Variants in TTC7B observed in about 807,000 individuals in gnomAD.
TTC7B encodes tetratricopeptide repeat protein 7B.
TTC7B carries 28 observed loss-of-function variants against 106.8 expected under a neutral mutation model. That is an observed-to-expected ratio of 0.26 (90% CI 0.19 to 0.36). TTC7B has a LOEUF of 0.36. Among genes scored for constraint, TTC7B ranks in the 10% least tolerant of loss-of-function variants. The pLI is 1.00. For missense variants in TTC7B, 862 were observed against 1,076.4 expected, an observed-to-expected ratio of 0.80 and a Z score of 2.79; for synonymous variants, 405 against 430.6, an observed-to-expected ratio of 0.94 and a Z score of 0.74.
chr14:90,581,542 C>T (rs1029374831), intron 18 of TTC7B, among the ~76,000 whole-genome samples: 5 of 152,140 alleles, frequency 3.3e-5, no homozygotes, highest in Admixed American at 2.0e-4. Context: ...CAGGACAGAG[C>T]GTCCCTCTCA....
chr14:90,570,586 C>T lies in TTC7B; in HGVS notation c.2310+7520G>A, dbSNP rs1210675847. On this transcript the variant is annotated intron_variant, in intron 19 of 19. Coordinates refer to ENST00000328459, the MANE Select transcript of TTC7B (RefSeq NM_001010854.2). The surrounding 1 kb of genome is among the most constrained non-coding windows in gnomAD (Gnocchi z 4.0). ...GCGAAGCATCGTGCTCGCGGCCGAC[C>T]ACGCACCGAGATATATTCTCATTTC... Among the ~76,000 whole-genome samples, 2 of 152,152 alleles carry T rather than the reference C, an allele frequency of 1.3e-5. No homozygotes were observed. The highest frequency in any genetic ancestry group is 2.9e-5 in the Non-Finnish European group (2 of 68,034).
rs1361683834 is a variant in TTC7B, at chr14:90,808,589, CT to C, written c.121+7585del. On this transcript the variant is annotated intron_variant, in intron 1 of 19. Transcript: ENST00000328459. This position sits in a 1 kb window ranked among gnomAD's most constrained non-coding sequence, Gnocchi z 4.2. ...GGAAGGGCTGCAGCCACTCCATTAG[CT>C]TTCCTGTGGCTGTGGCCGTCTTTCA... Among the ~76,000 whole-genome samples, 1 of 152,194 alleles carries C rather than the reference CT, an allele frequency of 6.6e-6. No homozygotes were observed. Among genetic ancestry groups the C allele is most frequent in the Non-Finnish European group, 1.5e-5 (1 of 68,036 alleles).
chr14:90,793,115 TTC>T (rs144075453), intron 1 of TTC7B, among the ~76,000 whole-genome samples: 6,447 of 152,194 alleles, frequency 0.042, 185 homozygotes, highest in Non-Finnish European at 0.058. Flanking sequence ...CCTGTGCTTT[TTC>T]TCTCTCTCTT....
At chr14:90,561,365 C>A (rs1890573937) in intron 19 of TTC7B, among the ~76,000 whole-genome samples, 1 of 152,198 alleles carries the variant, frequency 6.6e-6, no homozygotes, top group Non-Finnish European at 1.5e-5. Flanking sequence ...TCCAAGATTC[C>A]CTTCAGGAGC....
At chr14:90,591,408 A>G (rs1891952326) in intron 18 of TTC7B, among the ~76,000 whole-genome samples, 1 of 152,206 alleles carries the variant, frequency 6.6e-6, no homozygotes, top group Middle Eastern at 3.2e-3. Context: ...CAATATTCTA[A>G]TAATCAGCTA....
intron 19 of TTC7B, among the ~76,000 whole-genome samples, chr14:90,573,640 G>C (rs527886291): frequency 2.3e-4 from 31 of 136,106 alleles, no homozygotes; most frequent in Admixed American, 1.4e-3. Context: ...GGTCCCTTTC[G>C]GGCTCATGGT....
At chr14:90,601,815 T>C (rs766460273) in intron 17 of TTC7B, among the ~76,000 whole-genome samples, 2 of 152,230 alleles carry the variant, frequency 1.3e-5, no homozygotes, top group African/African-American at 2.4e-5. Context: ...GATCCATGGC[T>C]GCCAAATCAT....
chr14:90,566,624 C>G (rs549329314), intron 19 of TTC7B, among the ~76,000 whole-genome samples: 2 of 152,084 alleles, frequency 1.3e-5, no homozygotes, highest in South Asian at 4.1e-4. Context: ...GATGAGAAAA[C>G]GGAGGAAGCC....
chr14:90,658,241 C>T (rs933113598), intron 10 of TTC7B, 63 bp downstream of exon 10: 7 of 1,376,044 alleles, frequency 5.1e-6, no homozygotes, highest in African/African-American at 4.3e-5. Context: ...AATTCCATGA[C>T]ATTCAACTCT....
Position 90,536,477 on chromosome 14 carries a change from AAGC to A in TTC7B, c.*4888_*4890del, listed in dbSNP as rs1889422470. On this transcript the variant is annotated 3_prime_UTR_variant, in exon 20 of 20. Coordinates refer to ENST00000328459, the MANE Select transcript of TTC7B (RefSeq NM_001010854.2). ...GGCATTTTGTATTCAACCTGCCTGA[AAGC>A]AGACTCCTGCCTTCTCCTCTCCTCC... is the stretch of plus-strand genomic sequence containing the variant. 1 of 152,430 alleles carries A rather than the reference AAGC, an allele frequency of 6.6e-6. No homozygotes were observed. Among genetic ancestry groups the A allele is most frequent in the African/African-American group, 2.4e-5 (1 of 41,428 alleles). 9.4% of individuals were successfully genotyped at this position (152,430 alleles called of 1,614,324 possible).
intron 5 of TTC7B, among the ~76,000 whole-genome samples, chr14:90,714,388 CA>C (rs1217062773): frequency 6.6e-6 from 1 of 151,604 alleles, no homozygotes; most frequent in Non-Finnish European, 1.5e-5. Flanking sequence ...CGAACAGGCA[CA>C]AGGAACTTTT....
intron 5 of TTC7B, among the ~76,000 whole-genome samples, chr14:90,714,018 G>A (rs1240021337): frequency 6.6e-6 from 1 of 152,060 alleles, no homozygotes; most frequent in Non-Finnish European, 1.5e-5. Flanking sequence ...ACCTGAGGTC[G>A]GGAGTTCGAG....
intron 7 of TTC7B, among the ~76,000 whole-genome samples, chr14:90,680,863 AC>A (rs1887023641): frequency 6.6e-6 from 1 of 152,194 alleles, no homozygotes; most frequent in African/African-American, 2.4e-5. Context: ...TTTCTCCTAA[AC>A]CTATTAGAGA....
intron 17 of TTC7B, among the ~76,000 whole-genome samples, chr14:90,603,027 C>T (rs1892493966): frequency 6.6e-6 from 1 of 152,184 alleles, no homozygotes; most frequent in Non-Finnish European, 1.5e-5. Context: ...TGTAGTCCTT[C>T]TCAGATCAAT....
At chr14:90,701,047 G>A (rs749004872) in intron 5 of TTC7B, among the ~76,000 whole-genome samples, 35 of 151,926 alleles carry the variant, frequency 2.3e-4, no homozygotes, top group Non-Finnish European at 3.1e-4. Context: ...CAGATGGCTT[G>A]CTGCAGTCAG....
At chr14:90,733,739 C>T (rs921110141) in intron 4 of TTC7B, among the ~76,000 whole-genome samples, 4 of 152,148 alleles carry the variant, frequency 2.6e-5, no homozygotes, top group African/African-American at 7.2e-5. Flanking sequence ...GTCAAAAGAC[C>T]GAGGCGCGAG....
intron 9 of TTC7B, among the ~76,000 whole-genome samples, chr14:90,675,421 G>C (rs982894841): frequency 3.9e-5 from 6 of 152,106 alleles, no homozygotes; most frequent in Non-Finnish European, 8.8e-5. Context: ...TACCGGGAGA[G>C]GTTCGATCCA....
chr14:90,548,457 T>C (rs1402765836), intron 19 of TTC7B, among the ~76,000 whole-genome samples: 2 of 152,242 alleles, frequency 1.3e-5, no homozygotes, highest in Non-Finnish European at 2.9e-5. Flanking sequence ...CCAGGCTCTA[T>C]TAAGTGTGCA....
chr14:90,812,032 T>C (rs2030925245), intron 1 of TTC7B, among the ~76,000 whole-genome samples: 1 of 152,148 alleles, frequency 6.6e-6, no homozygotes, highest in Non-Finnish European at 1.5e-5. Context: ...CTGGCCTACC[T>C]TGCCCAGGGT....
Sources: allele counts gnomAD v4.1 joint callset (sites outside exome capture counted in the v4.1 genomes callset), GRCh38; gene constraint gnomAD v4.1.1; non-coding constraint Gnocchi (gnomAD v3.1); transcripts MANE v1.5; gene names NCBI Gene and HGNC (gene_info 2026-07-23, HGNC 2026-07-21).